Variants in LRRC4C observed in about 807,000 individuals in gnomAD.
The protein encoded by LRRC4C is leucine-rich repeat-containing protein 4C.
LRRC4C carries 5 observed loss-of-function variants against 33.6 expected under a neutral mutation model. The ratio of observed to expected loss-of-function variants is 0.15; its 90% confidence interval spans 0.08 to 0.31. LRRC4C has a LOEUF of 0.31. Among genes scored for constraint, LRRC4C ranks in the 10% least tolerant of loss-of-function variants. LRRC4C has a pLI of 1.00. For missense variants in LRRC4C, 560 were observed against 796.7 expected, an observed-to-expected ratio of 0.70 and a Z score of 3.58; for synonymous variants, 329 against 302.0, an observed-to-expected ratio of 1.09 and a Z score of -0.93.
At chr11:40,299,037 TG>T (rs1204896989) in intron 4 of LRRC4C, among the ~76,000 whole-genome samples, 1 of 152,158 alleles carries the variant, frequency 6.6e-6, no homozygotes, top group Non-Finnish European at 1.5e-5. Context: ...ACTGCAAAGT[TG>T]TATAAAACGA....
chr11:41,223,878 A>G (rs1336769458), intron 1 of LRRC4C, among the ~76,000 whole-genome samples: 1 of 152,184 alleles, frequency 6.6e-6, no homozygotes, highest in Admixed American at 6.5e-5. Context: ...GATGGATATC[A>G]TCTCTTAATC....
intron 1 of LRRC4C, among the ~76,000 whole-genome samples, chr11:41,275,090 C>T (rs1949442250): frequency 1.3e-5 from 2 of 152,124 alleles, no homozygotes; most frequent in African/African-American, 4.8e-5. Flanking sequence ...CTATCTTGCT[C>T]CCTCTCGCCA....
chr11:40,584,904 A>G (rs1013127419), intron 3 of LRRC4C, among the ~76,000 whole-genome samples: 1 of 151,286 alleles, frequency 6.6e-6, no homozygotes, highest in African/African-American at 2.4e-5. Flanking sequence ...CACATTCCAA[A>G]TTGGGCAACA....
intron 2 of LRRC4C, among the ~76,000 whole-genome samples, chr11:40,737,441 A>AGAT (rs1341265682): frequency 6.6e-6 from 1 of 152,206 alleles, no homozygotes; most frequent in Non-Finnish European, 1.5e-5. Flanking sequence ...CTCTGTTTGC[A>AGAT]GATGACATGA....
intron 1 of LRRC4C, among the ~76,000 whole-genome samples, chr11:41,184,900 A>G (rs1945622338): frequency 6.6e-6 from 1 of 151,700 alleles, no homozygotes; most frequent in Admixed American, 6.6e-5. Context: ...GGCAAAGAGG[A>G]GCAAGTCATA....
chr11:41,054,062 T>C (rs1426675759), intron 1 of LRRC4C, among the ~76,000 whole-genome samples: 2 of 152,192 alleles, frequency 1.3e-5, no homozygotes, highest in Non-Finnish European at 2.9e-5. Flanking sequence ...AACAAAAACA[T>C]GTGATGACAA....
intron 2 of LRRC4C, among the ~76,000 whole-genome samples, chr11:40,902,939 G>A (rs919268757): frequency 3.3e-5 from 5 of 152,158 alleles, no homozygotes; most frequent in African/African-American, 1.2e-4. Flanking sequence ...ACTGCAGCAA[G>A]TTACCCGGAA....
chr11:40,415,908 C>T (rs541997855), intron 3 of LRRC4C, among the ~76,000 whole-genome samples: 18 of 152,214 alleles, frequency 1.2e-4, no homozygotes, highest in South Asian at 6.2e-4. Flanking sequence ...GAAATGCATA[C>T]GCATGTATGA....
At chr11:40,731,916 AAT>A (rs1158202727) in intron 2 of LRRC4C, among the ~76,000 whole-genome samples, 1 of 152,148 alleles carries the variant, frequency 6.6e-6, no homozygotes, top group Non-Finnish European at 1.5e-5. Flanking sequence ...TATGTTGCTA[AAT>A]ATGTTGCTAA....
At chr11:40,244,831 G>T (rs1271570635) in intron 4 of LRRC4C, among the ~76,000 whole-genome samples, 2 of 151,998 alleles carry the variant, frequency 1.3e-5, no homozygotes, top group Non-Finnish European at 2.9e-5. Flanking sequence ...TAAGCTTCAA[G>T]GAACAGATAA....
chr11:40,698,227 C>A (rs7942180), intron 2 of LRRC4C, among the ~76,000 whole-genome samples: 2 of 151,992 alleles, frequency 1.3e-5, no homozygotes, highest in Admixed American at 1.3e-4. Flanking sequence ...GGAAATGACC[C>A]CTTTGCCTTA....
chr11:40,723,736 A>C (rs555967412), intron 2 of LRRC4C, among the ~76,000 whole-genome samples: 4 of 152,286 alleles, frequency 2.6e-5, no homozygotes, highest in African/African-American at 9.6e-5. Context: ...CACCATCATG[A>C]CAGGAGAAAA....
intron 1 of LRRC4C, among the ~76,000 whole-genome samples, chr11:41,176,386 C>A (rs1346940846): frequency 2.0e-5 from 3 of 152,246 alleles, no homozygotes; most frequent in African/African-American, 7.2e-5. Context: ...AGATTCCTTT[C>A]TCCTATCTTT....
intron 1 of LRRC4C, among the ~76,000 whole-genome samples, chr11:41,414,853 G>T (rs1208455605): frequency 6.6e-6 from 1 of 152,082 alleles, no homozygotes; most frequent in Non-Finnish European, 1.5e-5. Context: ...AGAAAAAGAA[G>T]AAATCTTCCC....
chr11:40,738,360 T>C (rs1050586374), intron 2 of LRRC4C, among the ~76,000 whole-genome samples: 1 of 152,116 alleles, frequency 6.6e-6, no homozygotes, highest in Non-Finnish European at 1.5e-5. Flanking sequence ...GCCTCCATAA[T>C]CACATGAGCC....
intron 3 of LRRC4C, among the ~76,000 whole-genome samples, chr11:40,603,672 T>A (rs1226050929): frequency 6.6e-6 from 1 of 152,004 alleles, no homozygotes; most frequent in African/African-American, 2.4e-5. Context: ...GCAGAAAGGG[T>A]CTTCACTGAG....
intron 4 of LRRC4C, among the ~76,000 whole-genome samples, chr11:40,250,287 A>G (rs1040960388): frequency 6.6e-6 from 1 of 152,024 alleles, no homozygotes; most frequent in African/African-American, 2.4e-5. Context: ...TAAGCTTTAC[A>G]TAGAAAGATA....
intron 1 of LRRC4C, among the ~76,000 whole-genome samples, chr11:40,938,175 C>A (rs1406500206): frequency 6.6e-6 from 1 of 152,128 alleles, no homozygotes; most frequent in Admixed American, 6.6e-5. Context: ...GATGAATGAA[C>A]AGGCGCAGGT....
chr11:40,533,405 C>T (rs189846405), intron 3 of LRRC4C, among the ~76,000 whole-genome samples: 68 of 152,132 alleles, frequency 4.5e-4, no homozygotes, highest in South Asian at 1.9e-3. Flanking sequence ...TTGGCAGCAA[C>T]GCCAATACGT....
Sources: allele counts gnomAD v4.1 joint callset (sites outside exome capture counted in the v4.1 genomes callset), GRCh38; gene constraint gnomAD v4.1.1; transcripts MANE v1.5; gene names NCBI Gene and HGNC (gene_info 2026-07-23, HGNC 2026-07-21).